The following MRC1 variants were observed in gnomAD, a reference collection of about 807,000 sequenced individuals.
MRC1 encodes the protein macrophage mannose receptor 1.
Under a neutral mutation model 102.9 loss-of-function variants are expected in MRC1, and 62 were observed. That is an observed-to-expected ratio of 0.60 (90% CI 0.49 to 0.74). The LOEUF (loss-of-function observed/expected upper bound fraction) is 0.74. MRC1 is among the 30% of genes least tolerant of loss of function. The pLI is 0.00. For synonymous variants in MRC1, 457 were observed against 298.4 expected, an observed-to-expected ratio of 1.53 and a Z score of -5.48; for missense variants, 1,237 against 862.8, an observed-to-expected ratio of 1.43 and a Z score of -5.43.
At chr10:17,886,231 G>A (rs1420345169) in intron 22 of MRC1, among the ~76,000 whole-genome samples, 3 of 152,140 alleles carry the variant, frequency 2.0e-5, no homozygotes, top group African/African-American at 7.2e-5. Flanking sequence ...GACACTGTCT[G>A]CATGACATGG....
chr10:17,851,407 C>A (rs1215731219), intron 7 of MRC1, among the ~76,000 whole-genome samples: 26 of 151,942 alleles, frequency 1.7e-4, no homozygotes, highest in African/African-American at 6.0e-4. Context: ...TGAGATGATA[C>A]CTTTTGTATT....
Position 17,849,672 on chromosome 10 carries a change from A to T in MRC1, c.1157A>T (p.Asp386Val), listed in dbSNP as rs1554840476. Residue 386 changes from aspartate to valine, a missense_variant, in exon 7 of 30, where the codon GAT (aspartate) becomes GTT (valine). Transcript: ENST00000569591. Reference sequence around the variant, plus strand: ...AGAGATGAGAAAAAAATCCAGAGGGATGCTCTGACCACCTGCAGGAAGGAA... The same window carrying T: ...AGAGATGAGAAAAAAATCCAGAGGGTTGCTCTGACCACCTGCAGGAAGGAA... Reference protein sequence around the residue: ...IHRDEKKIQRDALTTCRKEGG... With the variant: ...IHRDEKKIQRVALTTCRKEGG... 9 of 780,982 alleles carry T rather than the reference A, an allele frequency of 1.2e-5. No individual in the cohort carries two copies. Among genetic ancestry groups the T allele is most frequent in the Admixed American group, 1.7e-5 (1 of 59,012 alleles). The allele number at this position is 780,982 out of a possible 1,614,324, so 48.4% of individuals were successfully genotyped here. A position where few individuals can be genotyped will look rare whatever the true frequency, so the allele number is the denominator to read the frequency against.
intron 1 of MRC1, among the ~76,000 whole-genome samples, chr10:17,814,730 G>A (rs1838281401): frequency 7.1e-6 from 1 of 140,210 alleles, no homozygotes; most frequent in South Asian, 2.4e-4. Context: ...CTGTCGCCCA[G>A]GCTGGAGTGC....
intron 10 of MRC1, among the ~76,000 whole-genome samples, chr10:17,862,558 G>A (rs1833199923): frequency 6.6e-6 from 1 of 151,994 alleles, no homozygotes; most frequent in African/African-American, 2.4e-5. Flanking sequence ...ATTTTTCCTT[G>A]TGTATCTTCT....
Position 17,910,584 on chromosome 10 carries a change from T to G in MRC1, c.*119T>G. 1 of 736,432 alleles carries G rather than the reference T, an allele frequency of 1.4e-6. No individual in the cohort carries two copies. Among genetic ancestry groups the G allele is most frequent in the South Asian group, 1.5e-5 (1 of 66,446 alleles). 45.6% of individuals were successfully genotyped at this position (736,432 alleles called of 1,614,324 possible). ...GTACTGAATTGTACTGGTCTGTCCT[T>G]TTTTCCTTTGCCTAATTGAAGAAAT... On this transcript the variant is annotated 3_prime_UTR_variant, in exon 30 of 30. Coordinates refer to ENST00000569591, the MANE Select transcript of MRC1 (RefSeq NM_002438.4).
Position 17,849,779 on chromosome 10 carries a change from A to T in MRC1, c.1249+15A>T. 1.3e-6 allele frequency: 1 copy of T among 779,008 alleles called. No individual in the cohort carries two copies. Among genetic ancestry groups the T allele is most frequent in the South Asian group, 1.3e-5 (1 of 74,358 alleles). 48.3% of individuals were successfully genotyped at this position (779,008 alleles called of 1,614,324 possible). A position where few individuals can be genotyped will look rare whatever the true frequency, so the allele number is the denominator to read the frequency against. ...GCTAGGATATGGTGAGAAACTTGACAGTGATAATATACTTGGCTTTAATCC... is the reference window on the plus strand; with the variant it reads ...GCTAGGATATGGTGAGAAACTTGACTGTGATAATATACTTGGCTTTAATCC... On this transcript the variant is annotated intron_variant, in intron 7 of 29. Coordinates refer to ENST00000569591, the MANE Select transcript of MRC1 (RefSeq NM_002438.4).
chr10:17,817,474 T>A (rs2130579656), intron 1 of MRC1, among the ~76,000 whole-genome samples: 1 of 152,192 alleles, frequency 6.6e-6, no homozygotes, highest in Admixed American at 6.5e-5. Context: ...CAGCAGAGAG[T>A]GTGCTCAACA....
intron 18 of MRC1, among the ~76,000 whole-genome samples, chr10:17,879,369 T>C (rs2130688550): frequency 6.6e-6 from 1 of 152,222 alleles, no homozygotes; most frequent in Admixed American, 6.5e-5. Flanking sequence ...TATTCTTTTT[T>C]ATGAGGTGGA....
chr10:17,855,328 T>C (rs940376137), intron 8 of MRC1, among the ~76,000 whole-genome samples: 15 of 151,910 alleles, frequency 9.9e-5, no homozygotes, highest in African/African-American at 3.6e-4. Flanking sequence ...TCCCAGCACT[T>C]TGGGAGGCCG....
intron 4 of MRC1, among the ~76,000 whole-genome samples, chr10:17,839,649 A>T (rs1416020153): frequency 6.6e-6 from 1 of 152,204 alleles, no homozygotes; most frequent in Non-Finnish European, 1.5e-5. Flanking sequence ...TCTCTAAAAA[A>T]TAAAAATAAA....
intron 15 of MRC1, 142 bp from the exon 16 acceptor site, chr10:17,873,642 A>T: frequency 1.4e-6 from 1 of 725,664 alleles, no homozygotes; most frequent in Non-Finnish European, 2.6e-6. Context: ...ATGACGTGCA[A>T]ATAGGAGAAA....
chr10:17,878,627 A>G (rs1833469829), intron 18 of MRC1, among the ~76,000 whole-genome samples: 1 of 151,972 alleles, frequency 6.6e-6, no homozygotes, highest in Non-Finnish European at 1.5e-5. Context: ...TGCTATTGTC[A>G]TCTTTGAGCA....
chr10:17,874,247 G>A (rs1008071657), intron 16 of MRC1, among the ~76,000 whole-genome samples: 3 of 152,158 alleles, frequency 2.0e-5, no homozygotes, highest in African/African-American at 7.2e-5. Flanking sequence ...GGGGCTCTGA[G>A]GGAGATTCTC....
At chr10:17,854,733 G>T in intron 8 of MRC1, 1 of 230,284 alleles carries the variant, frequency 4.3e-6, no homozygotes, top group Non-Finnish European at 8.7e-6. Context: ...TTGCTGCCCA[G>T]GCTGGAGTGC....
intron 11 of MRC1, 131 bp from the exon 12 acceptor site, chr10:17,866,431 A>T: frequency 2.6e-6 from 2 of 756,816 alleles, no homozygotes; most frequent in South Asian, 2.8e-5. Flanking sequence ...AAAGTGTTAC[A>T]AACCCCCCTG....
chr10:17,828,095 G>A (rs1838509359), intron 3 of MRC1, among the ~76,000 whole-genome samples: 1 of 152,026 alleles, frequency 6.6e-6, no homozygotes, highest in Non-Finnish European at 1.5e-5. Context: ...TTTATTTTTT[G>A]AGACGGAGTC....
At chr10:17,871,464 C>G (rs1444801558) in intron 14 of MRC1, among the ~76,000 whole-genome samples, 4 of 152,184 alleles carry the variant, frequency 2.6e-5, no homozygotes, top group South Asian at 2.1e-4. Context: ...GACCTAGACC[C>G]AGGGCCTCCG....
chr10:17,899,032 A>G (rs1000889062), intron 24 of MRC1, among the ~76,000 whole-genome samples: 4 of 152,128 alleles, frequency 2.6e-5, no homozygotes. Context: ...GAGGACCAAG[A>G]AGGTTCCTCA....
chr10:17,890,239 T>C (rs1430037667), intron 22 of MRC1, among the ~76,000 whole-genome samples: 1 of 152,186 alleles, frequency 6.6e-6, no homozygotes, highest in East Asian at 1.9e-4. Flanking sequence ...GTCTGGCTTC[T>C]TTCAAGATTT....
Sources: gnomAD v4.1 joint callset for allele counts (sites outside exome capture counted in the v4.1 genomes callset) on GRCh38, gnomAD v4.1.1 for gene constraint, MANE v1.5 for transcripts, NCBI Gene and HGNC (gene_info 2026-07-23, HGNC 2026-07-21) for gene names.